NETO1: variants seen among roughly 807,000 people sequenced by gnomAD.
The protein encoded by NETO1 is neuropilin and tolloid like 1, also known as neuropilin and tolloid-like protein 1.
In NETO1, 26 loss-of-function variants were observed where a neutral mutation model predicts 61.3. That is an observed-to-expected ratio of 0.42 (90% CI 0.31 to 0.59). The LOEUF is 0.59. NETO1 is among the 20% of genes least tolerant of loss of function. NETO1 has a pLI of 0.12. For missense variants in NETO1, 531 were observed against 662.8 expected, an observed-to-expected ratio of 0.80 and a Z score of 2.18; for synonymous variants, 225 against 225.8, an observed-to-expected ratio of 1.00 and a Z score of 0.03.
At chr18:72,835,784 A>G (rs1263913295) in intron 4 of NETO1, among the ~76,000 whole-genome samples, 1 of 152,240 alleles carries the variant, frequency 6.6e-6, no homozygotes, top group African/African-American at 2.4e-5. Context: ...GAAGAAAATT[A>G]TATTTCATGT....
chr18:72,812,723 G>A (rs1384772266), intron 4 of NETO1, among the ~76,000 whole-genome samples: 2 of 152,072 alleles, frequency 1.3e-5, no homozygotes, highest in African/African-American at 4.8e-5. Flanking sequence ...CTCTGATGCT[G>A]CCAACTTCTT....
intron 4 of NETO1, among the ~76,000 whole-genome samples, chr18:72,827,190 TC>T (rs1289323565): frequency 6.6e-6 from 1 of 152,138 alleles, no homozygotes; most frequent in African/African-American, 2.4e-5. Flanking sequence ...GTATGTTTAT[TC>T]CCTTTTTTAT....
At chr18:72,784,501 A>G (rs2071848808) in intron 6 of NETO1, among the ~76,000 whole-genome samples, 1 of 152,228 alleles carries the variant, frequency 6.6e-6, no homozygotes, top group African/African-American at 2.4e-5. Context: ...GCTAAGCTAC[A>G]TAAATAAAAA....
chr18:72,779,586 T>C (rs116454468), intron 7 of NETO1, among the ~76,000 whole-genome samples: 1,612 of 152,262 alleles, frequency 0.011, 23 homozygotes, highest in African/African-American at 0.037. Context: ...AAGCCCACTT[T>C]CTATTGTTTT....
chr18:72,841,653 G>T (rs541211322), intron 4 of NETO1, among the ~76,000 whole-genome samples: 1 of 132,742 alleles, frequency 7.5e-6, no homozygotes, highest in Admixed American at 9.1e-5. Context: ...AGAATTGCTT[G>T]AGCCCTGAAG....
chr18:72,828,493 A>G (rs962778979), intron 4 of NETO1, among the ~76,000 whole-genome samples: 5 of 152,344 alleles, frequency 3.3e-5, no homozygotes, highest in East Asian at 3.9e-4. Flanking sequence ...ACAGTAAGAA[A>G]CTACAAAAAC....
At chr18:72,815,642 A>G (rs1018685217) in intron 4 of NETO1, among the ~76,000 whole-genome samples, 1 of 152,210 alleles carries the variant, frequency 6.6e-6, no homozygotes, top group Non-Finnish European at 1.5e-5. Context: ...AGGATGTAAG[A>G]CTGACGACAT....
chr18:72,806,396 T>C (rs2072675807), intron 4 of NETO1, among the ~76,000 whole-genome samples: 1 of 152,150 alleles, frequency 6.6e-6, no homozygotes, highest in African/African-American at 2.4e-5. Context: ...TTACTGCCTA[T>C]CTACCAACAC....
intron 6 of NETO1, among the ~76,000 whole-genome samples, chr18:72,784,817 C>T (rs76296681): frequency 2.5e-3 from 382 of 152,302 alleles, no homozygotes; most frequent in African/African-American, 8.5e-3. Context: ...TTTGTTCATG[C>T]GTCCATCGAT....
chr18:72,809,395 T>C (rs926569836), intron 4 of NETO1, among the ~76,000 whole-genome samples: 8 of 152,210 alleles, frequency 5.3e-5, no homozygotes, highest in East Asian at 1.9e-4. Context: ...CTAACACTTA[T>C]TGACAGAATT....
intron 4 of NETO1, among the ~76,000 whole-genome samples, chr18:72,846,432 G>A (rs999668825): frequency 2.7e-5 from 4 of 147,264 alleles, no homozygotes; most frequent in South Asian, 2.2e-4. Context: ...TTGAACCTGG[G>A]AGGCGGAGGT....
rs146693088 is a variant in NETO1, at chr18:72,750,486, C to T, written c.1117G>A (p.Val373Ile). The T allele has an allele frequency of 1.9e-4, 313 of 1,614,104 alleles. No homozygotes were observed. In the African/African-American group the frequency reaches 3.7e-3, roughly 19 times the overall value. ...VQIKQPRKKY[V>I]QRKSDFDQTV... ...TGGTCAAAGTCTGATTTCCTTTGGACATACTTTTTACGAGGCTGTTTGATC... is the reference window on the plus strand; with the variant it reads ...TGGTCAAAGTCTGATTTCCTTTGGATATACTTTTTACGAGGCTGTTTGATC... Residue 373 changes from valine (V) to isoleucine (I), a missense_variant, in exon 9 of 11, where the codon GTC becomes ATC. Transcript: ENST00000327305.
At chr18:72,811,715 G>A (rs1382264702) in intron 4 of NETO1, among the ~76,000 whole-genome samples, 1 of 152,168 alleles carries the variant, frequency 6.6e-6, no homozygotes, top group African/African-American at 2.4e-5. Flanking sequence ...TAAGGCAGGA[G>A]GATGGTTTGA....
chr18:72,779,055 C>T (rs1380138434), intron 7 of NETO1, among the ~76,000 whole-genome samples: 1 of 152,174 alleles, frequency 6.6e-6, no homozygotes, highest in Non-Finnish European at 1.5e-5. Context: ...CACTTCACCA[C>T]TGAACTGGGG....
At chr18:72,764,707 GGCTGATGGGCCTAA>G (rs2071093682) in intron 7 of NETO1, among the ~76,000 whole-genome samples, 1 of 152,108 alleles carries the variant, frequency 6.6e-6, no homozygotes, top group Non-Finnish European at 1.5e-5. Context: ...AACAGAATAT[GGCTGATGGGCCTAA>G]GCAAAATGAT....
chr18:72,839,808 T>C (rs1568246881), intron 4 of NETO1, among the ~76,000 whole-genome samples: 1 of 152,192 alleles, frequency 6.6e-6, no homozygotes, highest in Non-Finnish European at 1.5e-5. Flanking sequence ...TATAAGTTTT[T>C]TGTCCTAAAT....
At chr18:72,755,577 G>A (rs1661576733) in intron 8 of NETO1, among the ~76,000 whole-genome samples, 1 of 152,136 alleles carries the variant, frequency 6.6e-6, no homozygotes, top group Non-Finnish European at 1.5e-5. Context: ...CATTTTCGTA[G>A]CAAAACTGAA....
intron 8 of NETO1, among the ~76,000 whole-genome samples, chr18:72,753,845 C>G (rs1309624201): frequency 6.6e-6 from 1 of 151,892 alleles, no homozygotes; most frequent in Non-Finnish European, 1.5e-5. Context: ...GGAAATGACA[C>G]CAGGGTAATG....
At chr18:72,812,350 T>C (rs1020961704) in intron 4 of NETO1, among the ~76,000 whole-genome samples, 1 of 152,206 alleles carries the variant, frequency 6.6e-6, no homozygotes, top group African/African-American at 2.4e-5. Flanking sequence ...GTCTTGACAT[T>C]TGTGCTTGAA....
Sources: allele counts gnomAD v4.1 joint callset (sites outside exome capture counted in the v4.1 genomes callset), GRCh38; gene constraint gnomAD v4.1.1; transcripts MANE v1.5; gene names NCBI Gene and HGNC (gene_info 2026-07-23, HGNC 2026-07-21).